Variants in LRRC31 observed in about 807,000 individuals in gnomAD.
LRRC31 encodes the protein leucine-rich repeat-containing protein 31.
LRRC31 carries 35 observed loss-of-function variants against 46.7 expected under a neutral mutation model. That is an observed-to-expected ratio of 0.75 (90% confidence interval 0.57 to 0.99). LRRC31 has a LOEUF of 0.99. Among genes scored for constraint, LRRC31 ranks in the 50% least tolerant of loss-of-function variants. The pLI, the probability that LRRC31 is intolerant of heterozygous loss-of-function variation, is 0.00. For synonymous variants in LRRC31, 236 were observed against 235.1 expected (o/e 1.00, Z -0.03); for missense variants, 613 against 626.1 (o/e 0.98, Z 0.22).
intron 1 of LRRC31, 119 bp downstream of exon 1, chr3:169,869,514 A>G: frequency 3.9e-6 from 3 of 768,540 alleles, no homozygotes; most frequent in East Asian, 3.0e-5. Context: ...CATCTCATAT[A>G]CCCCATAAAT....
chr3:169,868,742 G>T (rs944991791), intron 1 of LRRC31, among the ~76,000 whole-genome samples: 2 of 152,144 alleles, frequency 1.3e-5, no homozygotes, highest in African/African-American at 4.8e-5. Flanking sequence ...GTAAAATTAT[G>T]AATCATTTAA....
chr3:169,854,029 C>T (rs964440055), intron 6 of LRRC31, among the ~76,000 whole-genome samples: 1 of 152,190 alleles, frequency 6.6e-6, no homozygotes. Flanking sequence ...GCATGCCTGG[C>T]GTGTCTGAGA....
rs563272474 is a variant in LRRC31, at chr3:169,840,050, C to T, written c.1591G>A (p.Glu531Lys). The change falls in exon 9 of 9, where the codon GAA becomes AAA. Residue 531 changes from glutamate to lysine, a missense_variant. Physicochemically the swap from Glu to Lys is moderately conservative, Grantham distance 56 (BLOSUM62 1). Transcript: ENST00000316428. ...KRWILPASQE[E>K]ELECFDQDKK... ...TCTTGGTCAAAGCATTCTAGTTCTT[C>T]CTCCTGTGAAGCTGGGAGAATCCAT... 1.2e-6 allele frequency: 2 copies of T among 1,614,032 alleles called. No homozygotes were observed. The highest frequency in any genetic ancestry group is 1.3e-5 in the African/African-American group (1 of 74,986).
chr3:169,840,911 G>A (rs1278476958), intron 8 of LRRC31, among the ~76,000 whole-genome samples: 1 of 152,176 alleles, frequency 6.6e-6, no homozygotes, highest in African/African-American at 2.4e-5. Flanking sequence ...AGTTAATGAT[G>A]AAATAAAGAC....
rs1210254696 is a variant in LRRC31 at position 169,844,686 on chromosome 3, C to G, written c.1327+3434G>C. ...CAGTGGCTCACGCCTGTAATCCCAG[C>G]ACTTTGGGAGGCTGAGGCAGGCAGA... On this transcript the variant is annotated intron_variant, in intron 8 of 8. Transcript: ENST00000316428. Among the ~76,000 whole-genome samples the G allele has an allele frequency of 2.6e-5, 4 of 152,272 alleles. No individual in the cohort carries two copies. The East Asian group carries it at 5.8e-4, about 22-fold the overall frequency.
intron 1 of LRRC31, among the ~76,000 whole-genome samples, chr3:169,866,885 C>T (rs557875361): frequency 2.0e-4 from 31 of 152,084 alleles, no homozygotes; most frequent in African/African-American, 7.5e-4. Flanking sequence ...TCACTTGAAC[C>T]TGGGAGGCAG....
intron 1 of LRRC31, among the ~76,000 whole-genome samples, chr3:169,866,927 A>C (rs1486235766): frequency 6.6e-6 from 1 of 151,598 alleles, no homozygotes; most frequent in Non-Finnish European, 1.5e-5. Flanking sequence ...ACACTGCTGC[A>C]CTCCAGACTG....
intron 1 of LRRC31, among the ~76,000 whole-genome samples, chr3:169,867,173 C>T (rs1355742343): frequency 1.3e-5 from 2 of 150,470 alleles, no homozygotes; most frequent in Admixed American, 1.3e-4. Flanking sequence ...ACCTCAGCCT[C>T]CAGAGTAGCT....
At chr3:169,849,021 G>A (rs1293858362) in intron 7 of LRRC31, among the ~76,000 whole-genome samples, 4 of 152,140 alleles carry the variant, frequency 2.6e-5, no homozygotes, top group Non-Finnish European at 5.9e-5. Context: ...TTTACTTCAC[G>A]CAATTACTGC....
At chr3:169,849,998 C>T (rs533514665) in intron 7 of LRRC31, among the ~76,000 whole-genome samples, 2 of 152,204 alleles carry the variant, frequency 1.3e-5, no homozygotes, top group Non-Finnish European at 2.9e-5. Flanking sequence ...CCCCCATACA[C>T]GTGATTGGAG....
At chr3:169,857,858 C>T (rs1016929036) in intron 3 of LRRC31, among the ~76,000 whole-genome samples, 7 of 152,102 alleles carry the variant, frequency 4.6e-5, no homozygotes, top group Admixed American at 1.3e-4. Flanking sequence ...TGCTAAAATG[C>T]GTATTCCCCA....
At chr3:169,859,826 C>T (rs1035850770) in intron 3 of LRRC31, among the ~76,000 whole-genome samples, 2 of 152,146 alleles carry the variant, frequency 1.3e-5, no homozygotes, top group Admixed American at 1.3e-4. Flanking sequence ...CCAGTGTAAG[C>T]ATGTTTTACA....
intron 1 of LRRC31, among the ~76,000 whole-genome samples, chr3:169,864,448 G>A (rs1781268751): frequency 6.6e-6 from 1 of 152,166 alleles, no homozygotes. Flanking sequence ...CAAATCACAG[G>A]TCTGTCTGAG....
chr3:169,844,225 C>T (rs1385721278), intron 8 of LRRC31, among the ~76,000 whole-genome samples: 1 of 152,142 alleles, frequency 6.6e-6, no homozygotes, highest in African/African-American at 2.4e-5. Context: ...TAGCAAATAA[C>T]ATCCAACGCT....
At chr3:169,866,774 A>T (rs933684124) in intron 1 of LRRC31, among the ~76,000 whole-genome samples, 1 of 152,124 alleles carries the variant, frequency 6.6e-6, no homozygotes, top group Non-Finnish European at 1.5e-5. Flanking sequence ...AGCCTGGCCC[A>T]CAAGGTGAAA....
Position 169,849,006 on chromosome 3 carries a change from T to G in LRRC31, c.1160-719A>C, listed in dbSNP as rs118055148. 6.2e-4 allele frequency among the ~76,000 whole-genome samples: 95 copies of G among 152,342 alleles called. 4 individuals are homozygous for G. The East Asian group carries it at 0.018, about 28-fold the overall frequency. The stretch of plus-strand genomic sequence containing the variant: ...CAGAGTCTGAAATACCAAAACTTAT[T>G]TGTATTTACTTCACGCAATTACTGC... On this transcript the variant is annotated intron_variant, in intron 7 of 8. Coordinates refer to ENST00000316428, the MANE Select transcript of LRRC31 (RefSeq NM_024727.4).
rs190983691 is a variant in LRRC31, at chr3:169,869,677, G to T, written c.131C>A (p.Ser44Tyr). 38 of 1,610,222 alleles carry T rather than the reference G, an allele frequency of 2.4e-5. No individual in the cohort carries two copies. The highest frequency in any genetic ancestry group is 3.1e-5 in the Non-Finnish European group (37 of 1,178,702). The part of the protein sequence containing the change: ...KEDNDLKTSD[S>Y]QPSDWIQKTA... ...CTTCTGTATCCAGTCGCTGGGTTGG[G>T]AATCACTTGTTTTAAGGTCATTGTC... The change falls in exon 1 of 9, where the codon TCC becomes TAC. Residue 44 changes from serine (S) to tyrosine (Y), a missense_variant. Physicochemically the swap from Ser to Tyr is moderately radical, Grantham distance 144. Transcript: ENST00000316428.
chr3:169,862,408 C>T (rs1209800623), intron 1 of LRRC31, among the ~76,000 whole-genome samples: 2 of 152,192 alleles, frequency 1.3e-5, no homozygotes, highest in African/African-American at 4.8e-5. Context: ...CTCGTCTGTC[C>T]TCCTTGTTAT....
intron 7 of LRRC31, among the ~76,000 whole-genome samples, chr3:169,849,217 C>T (rs944236715): frequency 2.0e-5 from 3 of 151,948 alleles, no homozygotes; most frequent in African/African-American, 7.3e-5. Context: ...AATATATATC[C>T]TTTTATAATA....
Sources: gnomAD v4.1 joint callset for allele counts (sites outside exome capture counted in the v4.1 genomes callset) on GRCh38, gnomAD v4.1.1 for gene constraint, MANE v1.5 for transcripts, NCBI Gene and HGNC (gene_info 2026-07-23, HGNC 2026-07-21) for gene names.